The following OGDH variants were observed in gnomAD, a reference collection of about 807,000 sequenced individuals.
OGDH encodes the protein oxoglutarate dehydrogenase.
A neutral mutation model predicts 116.6 loss-of-function variants in OGDH; 38 were observed. That is an observed-to-expected ratio of 0.33 (90% CI 0.25 to 0.43). The LOEUF (loss-of-function observed/expected upper bound fraction) is 0.43, where lower values mean the gene tolerates loss of function less well. Among genes scored for constraint, OGDH ranks in the 20% least tolerant of loss-of-function variants. OGDH has a pLI of 1.00. For synonymous variants in OGDH, 488 were observed against 533.3 expected (o/e 0.92, Z 1.17); for missense variants, 825 against 1,357.2 (o/e 0.61, Z 6.16).
intron 1 of OGDH, among the ~76,000 whole-genome samples, chr7:44,619,703 A>G (rs935969519): frequency 6.6e-6 from 1 of 152,132 alleles, no homozygotes; most frequent in East Asian, 1.9e-4. Context: ...GCTCATAGCA[A>G]CAATAATGCT....
Position 44,707,827 on chromosome 7 carries a change from T to TG in OGDH, c.2952-49dup, listed in dbSNP as rs1789152726. 6.2e-7 allele frequency: 1 copy of TG among 1,608,462 alleles called. No homozygotes were observed. The highest frequency in any genetic ancestry group is 8.5e-7 in the Non-Finnish European group (1 of 1,176,996). On this transcript the variant is annotated intron_variant, in intron 22 of 22. Coordinates refer to ENST00000222673, the MANE Select transcript of OGDH (RefSeq NM_002541.4). This position sits in a 1 kb window ranked among gnomAD's most constrained non-coding sequence, Gnocchi z 5.2. ...AGGCACATGCAGCAGAGGGATGGGC[T>TG]GGGCCAACTCAGTGTCCCCTGCCCT...
chr7:44,616,744 A>C (rs1423811126), intron 1 of OGDH, among the ~76,000 whole-genome samples: 1 of 135,168 alleles, frequency 7.4e-6, no homozygotes, highest in Admixed American at 7.4e-5. Flanking sequence ...TACGTATATA[A>C]GTGTATATGT....
At chr7:44,702,565 C>T (rs1562691144) in intron 20 of OGDH, among the ~76,000 whole-genome samples, 1 of 151,804 alleles carries the variant, frequency 6.6e-6, no homozygotes, top group African/African-American at 2.4e-5. Flanking sequence ...TTTTCCCAAT[C>T]TTTTTTTATT....
chr7:44,649,767 G>A (rs1786351742), intron 4 of OGDH, among the ~76,000 whole-genome samples: 1 of 152,062 alleles, frequency 6.6e-6, no homozygotes, highest in African/African-American at 2.4e-5. Flanking sequence ...GTCAACATAC[G>A]CACTAATTTC....
chr7:44,667,550 T>C (rs1034562215), intron 5 of OGDH, among the ~76,000 whole-genome samples: 7 of 152,206 alleles, frequency 4.6e-5, no homozygotes, highest in Non-Finnish European at 1.0e-4. Context: ...CTCTGGACTC[T>C]GTTAGTACTA....
intron 1 of OGDH, among the ~76,000 whole-genome samples, chr7:44,616,559 G>A (rs1784775457): frequency 6.6e-6 from 1 of 151,224 alleles, no homozygotes. Flanking sequence ...AAATATCTTG[G>A]AAACTTGAAC....
chr7:44,632,622 G>A (rs1785490628), intron 2 of OGDH, among the ~76,000 whole-genome samples: 1 of 148,194 alleles, frequency 6.7e-6, no homozygotes, highest in Non-Finnish European at 1.5e-5. Context: ...TGTTGTTGTT[G>A]TTATTGTTGT....
intron 4 of OGDH, among the ~76,000 whole-genome samples, chr7:44,655,163 C>T (rs1786633193): frequency 6.6e-6 from 1 of 152,176 alleles, no homozygotes; most frequent in South Asian, 2.1e-4. Flanking sequence ...AGGCCCTCCC[C>T]TGTGTAGATC....
In OGDH at chr7:44,701,472, C is replaced by T. The variant is rs1020025653; in HGVS notation, c.2560-71C>T. On this transcript the variant is annotated intron_variant, in intron 19 of 22. Transcript: ENST00000222673. ...GGCCTGAAGGTCAAGGCTTGGGTAGCCTTGCTTTTGACCTTCCTTCTGGAA... is the reference window on the plus strand; with the variant it reads ...GGCCTGAAGGTCAAGGCTTGGGTAGTCTTGCTTTTGACCTTCCTTCTGGAA... The T allele has an allele frequency of 4.3e-6, 6 of 1,385,574 alleles. No individual in the cohort carries two copies. The African/African-American group carries it at 7.1e-5, about 16-fold the overall frequency. 85.8% of individuals were successfully genotyped at this position (1,385,574 alleles called of 1,614,324 possible).
intron 10 of OGDH, among the ~76,000 whole-genome samples, chr7:44,687,390 G>A (rs1788178985): frequency 6.6e-6 from 1 of 150,666 alleles, no homozygotes; most frequent in East Asian, 2.0e-4. Flanking sequence ...GAGCCACCAT[G>A]GCCAGCCAAA....
chr7:44,663,398 C>T (rs118115396), intron 4 of OGDH, among the ~76,000 whole-genome samples: 6,384 of 152,234 alleles, frequency 0.042, 175 homozygotes, highest in East Asian at 0.085. Flanking sequence ...TTTGGGAGAC[C>T]AAGGCAGGCA....
At chr7:44,646,496 A>G (rs1786188377) in intron 3 of OGDH, among the ~76,000 whole-genome samples, 1 of 152,200 alleles carries the variant, frequency 6.6e-6, no homozygotes, top group South Asian at 2.1e-4. Context: ...AGATGCATGG[A>G]GTTTTGTAAA....
intron 1 of OGDH, among the ~76,000 whole-genome samples, chr7:44,607,686 C>T (rs530868913): frequency 6.4e-4 from 98 of 152,198 alleles, no homozygotes; most frequent in African/African-American, 2.2e-3. Context: ...GAATAAAGAT[C>T]ACTGTATGCT....
intron 1 of OGDH, among the ~76,000 whole-genome samples, chr7:44,614,622 C>G (rs1200200480): frequency 6.6e-6 from 1 of 151,940 alleles, no homozygotes; most frequent in Admixed American, 6.6e-5. Context: ...GTGCATTTTT[C>G]AGTTCTGAAA....
intron 4 of OGDH, among the ~76,000 whole-genome samples, chr7:44,663,401 G>A (rs1019996962): frequency 2.6e-5 from 4 of 152,230 alleles, no homozygotes; most frequent in African/African-American, 9.6e-5. Context: ...GGGAGACCAA[G>A]GCAGGCAGAT....
At chr7:44,647,015 AGGC>A in intron 3 of OGDH, among the ~76,000 whole-genome samples, 1 of 152,286 alleles carries the variant, frequency 6.6e-6, no homozygotes, top group Non-Finnish European at 1.5e-5. Context: ...TCAAACTCCT[AGGC>A]TCAAGAGATC....
chr7:44,658,822 C>T (rs892050590), intron 4 of OGDH, among the ~76,000 whole-genome samples: 1 of 151,782 alleles, frequency 6.6e-6, no homozygotes, highest in African/African-American at 2.4e-5. Context: ...TTGATATGAT[C>T]TTGTGATTTA....
At chr7:44,632,812 G>T (rs1179734673) in intron 2 of OGDH, among the ~76,000 whole-genome samples, 1 of 151,412 alleles carries the variant, frequency 6.6e-6, no homozygotes, top group African/African-American at 2.4e-5. Context: ...TAGAGACGGG[G>T]TTTCGCCATG....
chr7:44,704,107 A>G (rs1363213177), intron 20 of OGDH, among the ~76,000 whole-genome samples: 3 of 152,102 alleles, frequency 2.0e-5, no homozygotes, highest in Non-Finnish European at 4.4e-5. Context: ...TGGTAATTCT[A>G]TTTTTAGTTT....
Sources: gnomAD v4.1 joint callset for allele counts (sites outside exome capture counted in the v4.1 genomes callset) on GRCh38, gnomAD v4.1.1 for gene constraint, Gnocchi (gnomAD v3.1) non-coding constraint, MANE v1.5 for transcripts, NCBI Gene and HGNC (gene_info 2026-07-23, HGNC 2026-07-21) for gene names.